Variants in ITGA4 observed in about 807,000 individuals in gnomAD.
ITGA4 encodes integrin alpha-4.
A neutral mutation model predicts 133.6 loss-of-function variants in ITGA4; 63 were observed. The ratio of observed to expected loss-of-function variants is 0.47; its 90% CI spans 0.38 to 0.58. The LOEUF (loss-of-function observed/expected upper bound fraction) is 0.58, where lower values mean the gene tolerates loss of function less well. ITGA4 is among the 20% of genes least tolerant of loss of function. ITGA4 has a pLI of 0.00. For missense variants in ITGA4, 1,076 were observed against 1,252.7 expected (o/e 0.86, Z 2.13); for synonymous variants, 483 against 438.0 (o/e 1.10, Z -1.28).
chr2:181,535,534 C>T lies in ITGA4; in HGVS notation c.*7C>T. 1 of 1,595,236 alleles carries T rather than the reference C, an allele frequency of 6.3e-7. No homozygotes were observed. The highest frequency in any genetic ancestry group is 8.5e-7 in the Non-Finnish European group (1 of 1,172,272). On this transcript the variant is annotated 3_prime_UTR_variant, in exon 28 of 28. Coordinates refer to ENST00000397033, the MANE Select transcript of ITGA4 (RefSeq NM_000885.6). Reference sequence around the variant, plus strand: ...TAAAAGCAATGATGATTAAGGACTTCTTTCAAATTGAGAGAATGGAAAACA... The same window carrying T: ...TAAAAGCAATGATGATTAAGGACTTTTTTCAAATTGAGAGAATGGAAAACA...
At position 181,538,062 on chromosome 2, in the gene ITGA4, C is replaced by T. The variant is rs1356176290; in HGVS notation, c.*2535C>T. The T allele has an allele frequency of 1.4e-6, 1 of 716,386 alleles. No homozygotes were observed. The highest frequency in any genetic ancestry group is 2.6e-6 in the Non-Finnish European group (1 of 386,698). 44.4% of individuals were successfully genotyped at this position (716,386 alleles called of 1,614,324 possible). The stretch of plus-strand genomic sequence containing the variant: ...CATCCTGAAACCATTCCCCCATCCA[C>T]GGAAAAATTGTCTTCCATGAAACTG... On this transcript the variant is annotated 3_prime_UTR_variant, in exon 28 of 28. Transcript: ENST00000397033.
At position 181,538,322 on chromosome 2, in the gene ITGA4, C is replaced by T; in HGVS notation, c.*2795C>T. ...ACCTAATAAGTATGGTACACAATGC[C>T]AATGCCAAATACAAATTGATAACAA... On this transcript the variant is annotated 3_prime_UTR_variant, in exon 28 of 28. Coordinates refer to ENST00000397033, the MANE Select transcript of ITGA4 (RefSeq NM_000885.6). 1 of 799,746 alleles carries T rather than the reference C, an allele frequency of 1.3e-6. No homozygotes were observed. Among genetic ancestry groups the T allele is most frequent in the East Asian group, 2.5e-5 (1 of 40,596 alleles). The allele number at this position is 799,746 out of a possible 1,614,324, so 49.5% of individuals were successfully genotyped here. A position where few individuals can be genotyped will look rare whatever the true frequency, so the allele number is the denominator to read the frequency against.
chr2:181,494,582 A>G (rs1686122122), intron 11 of ITGA4, 140 bp from the exon 12 acceptor site: 4 of 621,562 alleles, frequency 6.4e-6, no homozygotes, highest in Non-Finnish European at 8.7e-6. Context: ...CCTTAGAAGT[A>G]TTTGATTTAA....
In ITGA4 at chr2:181,536,343, A is replaced by T. The variant is rs1194949684; in HGVS notation, c.*816A>T. Reference sequence around the variant, plus strand: ...AGGAGTAATCTTCAAATCTTTTGTTATATTCTGAAACAAAAGATTGTGAGT... The same window carrying T: ...AGGAGTAATCTTCAAATCTTTTGTTTTATTCTGAAACAAAAGATTGTGAGT... On this transcript the variant is annotated 3_prime_UTR_variant, in exon 28 of 28. Coordinates refer to ENST00000397033, the MANE Select transcript of ITGA4 (RefSeq NM_000885.6). Among the ~76,000 whole-genome samples, 1 of 151,834 alleles carries T rather than the reference A, an allele frequency of 6.6e-6. No individual in the cohort carries two copies. The highest frequency in any genetic ancestry group is 6.6e-5 in the Admixed American group (1 of 15,200).
intron 15 of ITGA4, among the ~76,000 whole-genome samples, chr2:181,503,369 T>C (rs1686322521): frequency 6.6e-6 from 1 of 152,056 alleles, no homozygotes; most frequent in African/African-American, 2.4e-5. Flanking sequence ...AATAGTCTAA[T>C]AAGGATCTAT....
At position 181,524,191 on chromosome 2, in the gene ITGA4, G is replaced by A. The variant is rs1187178197; in HGVS notation, c.2190G>A (p.Leu730=). The A allele has an allele frequency of 6.2e-7, 1 of 1,603,856 alleles. No individual in the cohort carries two copies. Residue 730 remains leucine (L), a synonymous_variant, in exon 20 of 28, where the codon CTG becomes CTA. Transcript: ENST00000397033. ...HLSRIDISFL[L]DVSSLSRAEE... is the part of the protein sequence containing the mutation. The stretch of plus-strand genomic sequence containing the variant: ...TACAGATAGATATTAGCTTTCTCCT[G>A]GATGTGAGCTCACTCAGCAGAGCGG...
intron 15 of ITGA4, among the ~76,000 whole-genome samples, chr2:181,506,582 C>T (rs1238483632): frequency 2.0e-5 from 3 of 152,010 alleles, no homozygotes; most frequent in Non-Finnish European, 4.4e-5. Flanking sequence ...AAAAAGATTA[C>T]ATCCTTTCTG....
chr2:181,488,719 A>C (rs2034831), intron 10 of ITGA4, among the ~76,000 whole-genome samples: 8,600 of 151,522 alleles, frequency 0.057, 333 homozygotes, highest in South Asian at 0.17. Flanking sequence ...CCACCACCCC[A>C]GCTAATTTTT....
rs1367886739 is a variant in ITGA4 at position 181,474,976 on chromosome 2, AC to A, written c.338del (p.Pro113LeufsTer30). On this transcript the variant is annotated frameshift_variant, in exon 3 of 28. Coordinates refer to ENST00000397033, the MANE Select transcript of ITGA4 (RefSeq NM_000885.6). LOFTEE classifies it high-confidence loss of function. ...ATGCTATAGGTAGCCCTAATGGAGA[AC>A]CTTGTGGAAAGACTTGTTTGGAAGA... ...QLQLGSPNGE[P>X]CGKTCLEERD... 1 of 1,613,700 alleles carries A rather than the reference AC, an allele frequency of 6.2e-7. No homozygotes were observed. Among genetic ancestry groups the A allele is most frequent in the East Asian group, 2.2e-5 (1 of 44,872 alleles).
intron 15 of ITGA4, among the ~76,000 whole-genome samples, chr2:181,500,705 G>T (rs1686249140): frequency 6.6e-6 from 1 of 152,190 alleles, no homozygotes; most frequent in South Asian, 2.1e-4. Context: ...CCTGTCTGTT[G>T]GTTGGACATG....
intron 2 of ITGA4, among the ~76,000 whole-genome samples, chr2:181,462,901 A>C (rs1685320805): frequency 6.6e-6 from 1 of 152,208 alleles, no homozygotes; most frequent in Non-Finnish European, 1.5e-5. Flanking sequence ...TTATCCATTC[A>C]GTTGTTCATT....
chr2:181,459,543 T>C (rs1685215590), intron 2 of ITGA4, among the ~76,000 whole-genome samples: 1 of 152,226 alleles, frequency 6.6e-6, no homozygotes, highest in Admixed American at 6.5e-5. Flanking sequence ...ATTTTTACTT[T>C]TAACTCAGAG....
intron 1 of ITGA4, 90 bp from the exon 2 acceptor site, chr2:181,458,106 C>T: frequency 6.4e-7 from 1 of 1,560,798 alleles, no homozygotes; most frequent in South Asian, 1.1e-5. Flanking sequence ...GGGGAAGCTG[C>T]CCTGCTGCGG....
chr2:181,528,270 C>G (rs1263954942), intron 22 of ITGA4, among the ~76,000 whole-genome samples: 1 of 152,190 alleles, frequency 6.6e-6, no homozygotes, highest in African/African-American at 2.4e-5. Flanking sequence ...TTTTGTTACA[C>G]TAGTTGATAC....
At position 181,537,547 on chromosome 2, in the gene ITGA4, A is replaced by AGGGAGCAGTGAATCAAGGCAGACTTAT; in HGVS notation, c.*2022_*2048dup. On this transcript the variant is annotated 3_prime_UTR_variant, in exon 28 of 28. Coordinates refer to ENST00000397033, the MANE Select transcript of ITGA4 (RefSeq NM_000885.6). ...TTTTGAAATTTAACTGCTCTGGATT[A>AGGGAGCAGTGAATCAAGGCAGACTTAT]GGGAGCAGTGAATCAAGGCAGACTT... is the stretch of plus-strand genomic sequence containing the variant. 1 of 443,244 alleles carries AGGGAGCAGTGAATCAAGGCAGACTTAT rather than the reference A, an allele frequency of 2.3e-6. No individual in the cohort carries two copies. The highest frequency in any genetic ancestry group is 1.6e-5 in the South Asian group (1 of 62,808). The allele number at this position is 443,244 out of a possible 1,614,324, so 27.5% of individuals were successfully genotyped here. A position where few individuals can be genotyped will look rare whatever the true frequency, so the allele number is the denominator to read the frequency against.
chr2:181,476,035 A>T (rs1323786270), intron 4 of ITGA4: 13 of 799,752 alleles, frequency 1.6e-5, no homozygotes, highest in Non-Finnish European at 2.3e-5. Context: ...ATTGGTTGGC[A>T]AAACTTTGGC....
intron 10 of ITGA4, among the ~76,000 whole-genome samples, chr2:181,488,381 T>C (rs1372821782): frequency 6.6e-6 from 1 of 152,210 alleles, no homozygotes; most frequent in Non-Finnish European, 1.5e-5. Flanking sequence ...CTAAAGGTAA[T>C]ACCTTTATGT....
chr2:181,498,418 A>G, intron 14 of ITGA4: 1 of 319,308 alleles, frequency 3.1e-6, no homozygotes, highest in Non-Finnish European at 5.6e-6. Flanking sequence ...AAGTTCATAA[A>G]TCTTTATAAA....
At chr2:181,525,360 T>A in intron 21 of ITGA4, 69 bp downstream of exon 21, 2 of 789,202 alleles carry the variant, frequency 2.5e-6, no homozygotes, top group Non-Finnish European at 4.2e-6. Flanking sequence ...CTTACATTAA[T>A]GAAAAAACTG....
Sources: gnomAD v4.1 joint callset for allele counts (sites outside exome capture counted in the v4.1 genomes callset) on GRCh38, gnomAD v4.1.1 for gene constraint, MANE v1.5 for transcripts, NCBI Gene and HGNC (gene_info 2026-07-23, HGNC 2026-07-21) for gene names.